C1orf105: variants seen among roughly 807,000 people sequenced by gnomAD.
C1orf105 encodes the protein chromosome 1 open reading frame 105, also known as uncharacterized protein C1orf105.
A neutral mutation model predicts 20.8 loss-of-function variants in C1orf105; 17 were observed. The ratio of observed to expected loss-of-function variants is 0.82; its 90% confidence interval spans 0.56 to 1.23. The LOEUF is 1.23. Ranked by LOEUF, C1orf105 falls within the 50% of genes most tolerant of loss-of-function variation. C1orf105 has a pLI of 0.00. For synonymous variants in C1orf105, 72 were observed against 72.1 expected (o/e 1.00, Z 0.01); for missense variants, 219 against 213.5 (o/e 1.03, Z -0.16).
intron 1 of C1orf105, among the ~76,000 whole-genome samples, chr1:172,426,430 G>A (rs1000346257): frequency 2.0e-5 from 3 of 152,152 alleles, no homozygotes; most frequent in African/African-American, 7.2e-5. Context: ...CTTATTTCTT[G>A]ATGATTTTAG....
At chr1:172,435,822 G>C (rs2072024585) in intron 1 of C1orf105, among the ~76,000 whole-genome samples, 1 of 152,196 alleles carries the variant, frequency 6.6e-6, no homozygotes, top group African/African-American at 2.4e-5. Flanking sequence ...GTTTCCAGAT[G>C]ACATGATTGT....
chr1:172,461,368 G>T (rs1649678134), intron 4 of C1orf105, among the ~76,000 whole-genome samples: 2 of 152,100 alleles, frequency 1.3e-5, no homozygotes, highest in Non-Finnish European at 2.9e-5. Flanking sequence ...TGAGTCACTT[G>T]GTACAAGTCA....
chr1:172,442,970 T>C (rs1647493641), intron 1 of C1orf105: 1 of 208,096 alleles, frequency 4.8e-6, no homozygotes, highest in Non-Finnish European at 1.1e-5. Context: ...TAAAACTGCA[T>C]TTCAGATTTG....
chr1:172,449,286 A>C (rs183311119), intron 3 of C1orf105, among the ~76,000 whole-genome samples: 2 of 152,318 alleles, frequency 1.3e-5, no homozygotes, highest in Non-Finnish European at 2.9e-5. Flanking sequence ...GCAGCTACAC[A>C]GATGAGTGAG....
intron 1 of C1orf105, among the ~76,000 whole-genome samples, chr1:172,433,903 A>T (rs1277344723): frequency 6.6e-6 from 1 of 152,248 alleles, no homozygotes; most frequent in Non-Finnish European, 1.5e-5. Context: ...AAAAGGATGG[A>T]GGAAGACCTA....
intron 1 of C1orf105, among the ~76,000 whole-genome samples, chr1:172,438,338 T>A (rs2072108678): frequency 6.6e-6 from 1 of 152,198 alleles, no homozygotes. Context: ...TTGTAACTTG[T>A]GAGAGGAGGT....
intron 1 of C1orf105, chr1:172,431,001 G>C: frequency 1.7e-6 from 1 of 571,524 alleles, no homozygotes; most frequent in South Asian, 2.5e-5. Context: ...ATGTGTGTGT[G>C]TTCTGACTGC....
Position 172,462,222 on chromosome 1 carries a change from C to A in C1orf105, c.318C>A (p.Ser106=). 6.2e-7 allele frequency: 1 copy of A among 1,609,274 alleles called. No individual in the cohort carries two copies. Among genetic ancestry groups the A allele is most frequent in the Non-Finnish European group, 8.5e-7 (1 of 1,177,764 alleles). ...AAATCCCAGATGATCCAAAAGCATCCTTTGAGAATTGTATGAGTTATAGGT... is the reference window on the plus strand; with the variant it reads ...AAATCCCAGATGATCCAAAAGCATCATTTGAGAATTGTATGAGTTATAGGT... ...TMKIPDDPKA[S]FENCMSYRMS... is the part of the protein sequence containing the mutation. Residue 106 remains serine (S), a synonymous_variant, in exon 5 of 7, where the codon TCC becomes TCA. Coordinates refer to ENST00000367727, the MANE Select transcript of C1orf105 (RefSeq NM_139240.4).
chr1:172,447,802 G>A (rs895557668), intron 2 of C1orf105, among the ~76,000 whole-genome samples: 1 of 152,354 alleles, frequency 6.6e-6, no homozygotes, highest in Middle Eastern at 3.4e-3. Flanking sequence ...GGCATGAATG[G>A]TGCAACACAC....
chr1:172,445,112 G>A lies in C1orf105; in HGVS notation c.61G>A (p.Glu21Lys). The change falls in exon 2 of 7, where the codon GAG becomes AAG. Residue 21 changes from glutamate (E) to lysine (K), a missense_variant. Glu to Lys is a moderately conservative substitution (Grantham distance 56). Coordinates refer to ENST00000367727, the MANE Select transcript of C1orf105 (RefSeq NM_139240.4). ...PKFDKIPWLS[E>K]ASLVNKPLVL... ...ATTTGACAAGATTCCTTGGCTTAGT[G>A]AGGCCAGCCTTGTAAACAAGCCATT... is the stretch of plus-strand genomic sequence containing the variant. 6.2e-7 allele frequency: 1 copy of A among 1,613,606 alleles called. No individual in the cohort carries two copies.
intron 4 of C1orf105, among the ~76,000 whole-genome samples, chr1:172,460,946 C>T (rs1380777069): frequency 2.0e-5 from 3 of 152,190 alleles, no homozygotes; most frequent in Non-Finnish European, 4.4e-5. Context: ...CATACAATAG[C>T]GCTAGCTGGA....
At chr1:172,452,256 T>C (rs527810072) in intron 3 of C1orf105, among the ~76,000 whole-genome samples, 1 of 152,320 alleles carries the variant, frequency 6.6e-6, no homozygotes, top group East Asian at 1.9e-4. Flanking sequence ...TGAAGTTCAA[T>C]AGATGTGGTA....
chr1:172,422,948 C>T (rs2071628443), intron 1 of C1orf105, among the ~76,000 whole-genome samples: 1 of 152,118 alleles, frequency 6.6e-6, no homozygotes, highest in Non-Finnish European at 1.5e-5. Context: ...GGTTCGGGTG[C>T]CAGGTCAGCC....
chr1:172,458,983 A>G (rs1649504374), intron 4 of C1orf105, among the ~76,000 whole-genome samples: 1 of 152,186 alleles, frequency 6.6e-6, no homozygotes, highest in South Asian at 2.1e-4. Context: ...GGGCAGCTGC[A>G]TAGATACATG....
chr1:172,424,393 T>TAAA (rs966532823), intron 1 of C1orf105, among the ~76,000 whole-genome samples: 1 of 152,218 alleles, frequency 6.6e-6, no homozygotes, highest in Admixed American at 6.5e-5. Context: ...CCCTTCTCTT[T>TAAA]TTTATTTTGT....
chr1:172,428,915 G>C, intron 1 of C1orf105: 1 of 638,534 alleles, frequency 1.6e-6, no homozygotes, highest in South Asian at 1.8e-5. Flanking sequence ...TGAGTAGAGG[G>C]AAGCTTATGT....
chr1:172,428,999 C>T (rs568707574), intron 1 of C1orf105, among the ~76,000 whole-genome samples: 6 of 152,248 alleles, frequency 3.9e-5, no homozygotes, highest in South Asian at 4.1e-4. Flanking sequence ...GATAAGGGAA[C>T]GATGAGGAAT....
At chr1:172,447,976 C>A (rs1410025444) in intron 2 of C1orf105, among the ~76,000 whole-genome samples, 3 of 152,094 alleles carry the variant, frequency 2.0e-5, no homozygotes, top group Admixed American at 1.3e-4. Flanking sequence ...AAAAAATGTT[C>A]CAAAGGAAAA....
At chr1:172,459,867 A>T (rs1049893352) in intron 4 of C1orf105, among the ~76,000 whole-genome samples, 2 of 152,202 alleles carry the variant, frequency 1.3e-5, no homozygotes, top group Non-Finnish European at 2.9e-5. Context: ...ATTAATCATA[A>T]AAAAGAATGA....
Sources: allele counts gnomAD v4.1 joint callset (sites outside exome capture counted in the v4.1 genomes callset), GRCh38; gene constraint gnomAD v4.1.1; transcripts MANE v1.5; gene names NCBI Gene and HGNC (gene_info 2026-07-23, HGNC 2026-07-21).